EPB41L3: variants seen among roughly 807,000 people sequenced by gnomAD.
EPB41L3 encodes band 4.1-like protein 3.
In EPB41L3, 57 loss-of-function variants were observed where a neutral mutation model predicts 127.1. That is an observed-to-expected ratio of 0.45 (90% CI 0.36 to 0.56). EPB41L3 has a LOEUF of 0.56. Ranked by LOEUF, EPB41L3 falls within the 20% of genes least tolerant of loss-of-function variation. The pLI is 0.00. For missense variants in EPB41L3, 1,273 were observed against 1,372.2 expected (o/e 0.93, Z 1.14); for synonymous variants, 572 against 549.5 (o/e 1.04, Z -0.57).
chr18:5,463,618 G>A (rs1010744852), intron 3 of EPB41L3: 2 of 152,268 alleles, frequency 1.3e-5, no homozygotes, highest in Non-Finnish European at 2.9e-5. Flanking sequence ...GTAGCTGAGA[G>A]CGGTTCCTGG....
chr18:5,541,481 AATATACT>A (rs150401136), intron 1 of EPB41L3, among the ~76,000 whole-genome samples: 4,500 of 152,216 alleles, frequency 0.03, 137 homozygotes, highest in African/African-American at 0.077. Flanking sequence ...CACTTAATCT[AATATACT>A]ATATAAGTCC....
At chr18:5,449,816 T>C (rs982989648) in intron 3 of EPB41L3, among the ~76,000 whole-genome samples, 2 of 152,246 alleles carry the variant, frequency 1.3e-5, no homozygotes, top group African/African-American at 4.8e-5. Context: ...AAACCACAGA[T>C]AGTAGTGAAT....
chr18:5,453,052 C>T (rs928605253), intron 3 of EPB41L3, among the ~76,000 whole-genome samples: 3 of 152,166 alleles, frequency 2.0e-5, no homozygotes, highest in Non-Finnish European at 4.4e-5. Context: ...ATGGGCATTG[C>T]CTCCATTCCT....
At chr18:5,411,667 G>T (rs2076213652) in intron 13 of EPB41L3, among the ~76,000 whole-genome samples, 1 of 126,922 alleles carries the variant, frequency 7.9e-6, no homozygotes, top group South Asian at 2.3e-4. Flanking sequence ...TTAATATTTT[G>T]AAAACAAAAA....
At chr18:5,569,989 C>A (rs2094256251) in intron 3 of EPB41L3, among the ~76,000 whole-genome samples, 1 of 152,134 alleles carries the variant, frequency 6.6e-6, no homozygotes, top group East Asian at 1.9e-4. Flanking sequence ...ATTTTGTCAG[C>A]TATGGGATGG....
At chr18:5,624,867 T>TGA (rs2094904610) in intron 1 of EPB41L3, among the ~76,000 whole-genome samples, 1 of 152,056 alleles carries the variant, frequency 6.6e-6, no homozygotes, top group African/African-American at 2.4e-5. Flanking sequence ...GAAGGAAAGA[T>TGA]GAGAGAGAGA....
At chr18:5,460,161 T>A (rs999925720) in intron 3 of EPB41L3, among the ~76,000 whole-genome samples, 11 of 152,210 alleles carry the variant, frequency 7.2e-5, no homozygotes, top group African/African-American at 2.4e-4. Flanking sequence ...GCATTTGGTT[T>A]TCTGTTCCTA....
chr18:5,401,078 G>A, intron 16 of EPB41L3: 1 of 1,389,632 alleles, frequency 7.2e-7, no homozygotes, highest in African/African-American at 1.4e-5. Flanking sequence ...TGGAGAAGAG[G>A]AAGTAGACAG....
intron 3 of EPB41L3, among the ~76,000 whole-genome samples, chr18:5,598,167 T>C (rs2094555008): frequency 6.6e-6 from 1 of 152,164 alleles, no homozygotes; most frequent in South Asian, 2.1e-4. Flanking sequence ...GGTCAAAGAA[T>C]TGCCCGAAAA....
intron 3 of EPB41L3, among the ~76,000 whole-genome samples, chr18:5,453,497 C>T (rs746125286): frequency 6.6e-6 from 1 of 152,138 alleles, no homozygotes; most frequent in Admixed American, 6.5e-5. Flanking sequence ...AATAAAAAAG[C>T]CTCCTGCCTA....
chr18:5,436,856 C>T (rs551828260), intron 6 of EPB41L3, among the ~76,000 whole-genome samples: 36 of 152,064 alleles, frequency 2.4e-4, no homozygotes, highest in African/African-American at 8.7e-4. Context: ...ATAAAAAATC[C>T]TCTGGAACTA....
At chr18:5,592,943 C>A (rs977835124) in intron 3 of EPB41L3, among the ~76,000 whole-genome samples, 10 of 152,200 alleles carry the variant, frequency 6.6e-5, no homozygotes, top group Non-Finnish European at 1.5e-4. Context: ...TATCTGTCAG[C>A]ATCTTTCCAT....
intron 16 of EPB41L3, among the ~76,000 whole-genome samples, chr18:5,405,275 G>C (rs1392827660): frequency 6.6e-6 from 1 of 152,188 alleles, no homozygotes; most frequent in African/African-American, 2.4e-5. Context: ...TCTCACCAAA[G>C]CCTAAGTTTT....
At chr18:5,408,273 C>CTTTCT (rs2075740848) in intron 14 of EPB41L3, among the ~76,000 whole-genome samples, 1 of 50,466 alleles carries the variant, frequency 2.0e-5, no homozygotes, top group Non-Finnish European at 9.3e-5. Flanking sequence ...TTTCTTTTTT[C>CTTTCT]TTTTTTTTTT....
chr18:5,404,347 A>T (rs1167799094), intron 16 of EPB41L3, among the ~76,000 whole-genome samples: 1 of 152,194 alleles, frequency 6.6e-6, no homozygotes, highest in Non-Finnish European at 1.5e-5. Flanking sequence ...ACTACAAAAC[A>T]ACCCTGCAGA....
upstream of EPB41L3, among the ~76,000 whole-genome samples, chr18:5,629,247 T>A (rs1292699463): frequency 6.6e-6 from 1 of 151,388 alleles, no homozygotes; most frequent in Non-Finnish European, 1.5e-5. Flanking sequence ...GTCGTGGGGG[T>A]ACCGGGAGCT....
chr18:5,495,534 C>A (rs1237804137), intron 1 of EPB41L3, among the ~76,000 whole-genome samples: 1 of 151,848 alleles, frequency 6.6e-6, no homozygotes, highest in East Asian at 1.9e-4. Flanking sequence ...AGAACACAGC[C>A]CAGAGAGGGG....
At chr18:5,519,698 T>A (rs573761953) in intron 1 of EPB41L3, among the ~76,000 whole-genome samples, 1 of 152,332 alleles carries the variant, frequency 6.6e-6, no homozygotes, top group South Asian at 2.1e-4. Context: ...GGGACAAATC[T>A]TGCTTTCAAC....
chr18:5,620,373 T>C (rs948182842), intron 1 of EPB41L3, among the ~76,000 whole-genome samples: 31 of 152,164 alleles, frequency 2.0e-4, no homozygotes, highest in African/African-American at 7.5e-4. Context: ...TGGAGTAACC[T>C]GAAAGGAAAG....
Sources: gnomAD v4.1 joint callset for allele counts (sites outside exome capture counted in the v4.1 genomes callset) on GRCh38, gnomAD v4.1.1 for gene constraint, MANE v1.5 for transcripts, NCBI Gene and HGNC (gene_info 2026-07-23, HGNC 2026-07-21) for gene names.